Variants in ECT2L observed in about 807,000 individuals in gnomAD.
ECT2L encodes epithelial cell transforming 2 like.
A neutral mutation model predicts 122.8 loss-of-function variants in ECT2L; 126 were observed. That is an observed-to-expected ratio of 1.03 (90% CI 0.89 to 1.19). The LOEUF (loss-of-function observed/expected upper bound fraction) is 1.19. Ranked by LOEUF, ECT2L falls within the 50% of genes most tolerant of loss-of-function variation. ECT2L has a pLI of 0.00. For synonymous variants in ECT2L, 385 were observed against 381.8 expected, an observed-to-expected ratio of 1.01 and a Z score of -0.10; for missense variants, 1,012 against 1,064.1, an observed-to-expected ratio of 0.95 and a Z score of 0.68.
chr6:138,897,638 C>G (rs956597019), intron 20 of ECT2L, among the ~76,000 whole-genome samples: 5 of 152,284 alleles, frequency 3.3e-5, no homozygotes, highest in African/African-American at 1.2e-4. Flanking sequence ...TAGTAAATGG[C>G]TTTTGAAAAG....
intron 3 of ECT2L, among the ~76,000 whole-genome samples, chr6:138,813,683 G>A (rs1226788755): frequency 6.6e-6 from 1 of 152,154 alleles, no homozygotes; most frequent in Admixed American, 6.5e-5. Context: ...GTGTTCCTCT[G>A]TATTTGTAAT....
intron 1 of ECT2L, among the ~76,000 whole-genome samples, chr6:138,806,363 C>G (rs946483549): frequency 2.6e-5 from 4 of 152,080 alleles, no homozygotes; most frequent in Admixed American, 2.0e-4. Flanking sequence ...CCACAAGTCT[C>G]TTTGAGACAG....
At chr6:138,812,041 C>T (rs1342947756) in intron 1 of ECT2L, among the ~76,000 whole-genome samples, 1 of 152,072 alleles carries the variant, frequency 6.6e-6, no homozygotes, top group Non-Finnish European at 1.5e-5. Context: ...AGAAGCAAGA[C>T]ACTGTCTCAA....
intron 4 of ECT2L, among the ~76,000 whole-genome samples, chr6:138,828,402 T>G (rs1776531377): frequency 6.6e-6 from 1 of 152,214 alleles, no homozygotes; most frequent in Admixed American, 6.5e-5. Context: ...AGTCTGCATT[T>G]TGCTGATTGT....
chr6:138,814,507 T>A lies in ECT2L; in HGVS notation c.83T>A (p.Val28Glu). The A allele has an allele frequency of 6.2e-7, 1 of 1,607,602 alleles. No individual in the cohort carries two copies. The highest frequency in any genetic ancestry group is 8.5e-7 in the Non-Finnish European group (1 of 1,175,478). The change falls in exon 4 of 22, where the codon GTG becomes GAG. Residue 28 changes from valine (V) to glutamate (E), a missense_variant. Coordinates refer to ENST00000541398, the MANE Select transcript of ECT2L (RefSeq NM_001077706.3). ...CCCTTATAGCTCTTTCAGGAAAGAG[T>A]GGCTCTTATAAGTCATTGGTTTGAC... ...SLNRQLFQERVALISHWFDLW... is the reference protein window; with the variant it reads ...SLNRQLFQEREALISHWFDLW...
intron 1 of ECT2L, among the ~76,000 whole-genome samples, chr6:138,803,070 C>T (rs1775596876): frequency 2.2e-5 from 2 of 92,490 alleles, no homozygotes; most frequent in Non-Finnish European, 3.7e-5. Flanking sequence ...CAGAGAGAGA[C>T]TGTCTCAAAA....
intron 4 of ECT2L, among the ~76,000 whole-genome samples, chr6:138,817,880 TC>T: frequency 6.6e-6 from 1 of 152,324 alleles, no homozygotes; most frequent in South Asian, 2.1e-4. Context: ...TGGCCCCGTG[TC>T]GTCCACATGA....
chr6:138,818,397 A>T (rs990058144), intron 4 of ECT2L, among the ~76,000 whole-genome samples: 1 of 152,052 alleles, frequency 6.6e-6, no homozygotes, highest in African/African-American at 2.4e-5. Context: ...GGCTCACTTG[A>T]GGACGTCTGT....
At position 138,885,791 on chromosome 6, in the gene ECT2L, A is replaced by C. The variant is rs1464504432; in HGVS notation, c.2220A>C (p.Ala740=). The C allele has an allele frequency of 8.1e-6, 13 of 1,614,210 alleles. No individual in the cohort carries two copies. Among genetic ancestry groups the C allele is most frequent in the African/African-American group, 1.3e-5 (1 of 75,070 alleles). Residue 740 remains alanine (A), a synonymous_variant, in exon 18 of 22, where the codon GCA becomes GCC. Transcript: ENST00000541398. ...TTGACCGTGGGGACTTGACCACTGC[A>C]ATTGACCAAATCAAAAAATATAAAG... ...EHVDRGDLTT[A]IDQIKKYKGY...
intron 4 of ECT2L, among the ~76,000 whole-genome samples, chr6:138,836,624 A>T (rs1388092491): frequency 6.6e-6 from 1 of 151,650 alleles, no homozygotes; most frequent in African/African-American, 2.4e-5. Flanking sequence ...ATGGCCTCCA[A>T]GTGGTGATTT....
chr6:138,843,317 C>T, intron 6 of ECT2L, 86 bp downstream of exon 6: 1 of 1,371,574 alleles, frequency 7.3e-7, no homozygotes, highest in African/African-American at 1.4e-5. Flanking sequence ...GAGGACAGCC[C>T]TGTCTTTCGG....
intron 20 of ECT2L, among the ~76,000 whole-genome samples, chr6:138,897,196 C>T (rs1365238193): frequency 6.6e-6 from 1 of 152,096 alleles, no homozygotes. Flanking sequence ...TGAGTGTGAG[C>T]AGAGGCAGAT....
In ECT2L at chr6:138,885,779, C is replaced by T. The variant is rs766296255; in HGVS notation, c.2208C>T (p.Asp736=). 2.2e-5 allele frequency: 35 copies of T among 1,614,048 alleles called. No homozygotes were observed. Among genetic ancestry groups the T allele is most frequent in the Non-Finnish European group, 2.8e-5 (33 of 1,180,032 alleles). The stretch of plus-strand genomic sequence containing the variant: ...CTGCAGAGCATGTTGACCGTGGGGA[C>T]TTGACCACTGCAATTGACCAAATCA... ...HTPAEHVDRG[D]LTTAIDQIKK... Residue 736 remains aspartate (D), a synonymous_variant, in exon 18 of 22, where the codon GAC becomes GAT. Transcript: ENST00000541398.
At chr6:138,855,456 C>G (rs958168673) in intron 10 of ECT2L, among the ~76,000 whole-genome samples, 1 of 152,108 alleles carries the variant, frequency 6.6e-6, no homozygotes. Flanking sequence ...TTGCAGTGAG[C>G]CAAGATCGCA....
rs1777876574 is a variant in ECT2L at position 138,862,648 on chromosome 6, C to T, written c.1220C>T (p.Ser407Phe). Residue 407 changes from serine to phenylalanine, a missense_variant, in exon 11 of 22, where the codon TCC becomes TTC. Physicochemically the swap from Ser to Phe is radical, Grantham distance 155. Coordinates refer to ENST00000541398, the MANE Select transcript of ECT2L (RefSeq NM_001077706.3). ...GASEAGIEVL[S>F]QLSQLTGTFF... ...GCAGAGGCAGGAATTGAAGTTCTTT[C>T]CCAGCTGTCTCAACTAACTGGCACG... 6.2e-7 allele frequency: 1 copy of T among 1,614,116 alleles called. No individual in the cohort carries two copies.
chr6:138,881,127 C>A lies in ECT2L; in HGVS notation c.1836C>A (p.Ile612=). The A allele has an allele frequency of 6.2e-7, 1 of 1,614,094 alleles. No individual in the cohort carries two copies. The highest frequency in any genetic ancestry group is 8.5e-7 in the Non-Finnish European group (1 of 1,180,000). ...SNRAILSAAN[I]QIIFCDILQI... Reference sequence around the variant, plus strand: ...GAGCGATTCTGAGTGCTGCCAATATCCAGATCATTTTCTGTGACATTCTAC... The same window carrying A: ...GAGCGATTCTGAGTGCTGCCAATATACAGATCATTTTCTGTGACATTCTAC... The change falls in exon 15 of 22, where the codon ATC becomes ATA. Residue 612 remains isoleucine, a synonymous_variant. Transcript: ENST00000541398.
At position 138,900,972 on chromosome 6, in the gene ECT2L, C is replaced by CA. The variant is rs1321050303; in HGVS notation, c.2440dup (p.Ser814LysfsTer7). On this transcript the variant is annotated frameshift_variant, in exon 21 of 22. Coordinates refer to ENST00000541398, the MANE Select transcript of ECT2L (RefSeq NM_001077706.3). LOFTEE classifies it high-confidence loss of function. ...GGCTCTATGAACACATCCATGATCTCAGCCTTTTCCTCTTCAATGATGCCC... is the reference window on the plus strand; with the variant it reads ...GGCTCTATGAACACATCCATGATCTCAAGCCTTTTCCTCTTCAATGATGCCC... 6.2e-7 allele frequency: 1 copy of CA among 1,614,086 alleles called. No individual in the cohort carries two copies. Among genetic ancestry groups the CA allele is most frequent in the South Asian group, 1.1e-5 (1 of 91,052 alleles).
intron 1 of ECT2L, among the ~76,000 whole-genome samples, chr6:138,806,276 G>T (rs1392383339): frequency 6.6e-6 from 1 of 152,144 alleles, no homozygotes; most frequent in Non-Finnish European, 1.5e-5. Context: ...ATGCTTTCAT[G>T]AGAACAAGCC....
chr6:138,824,316 A>AC (rs1003591455), intron 4 of ECT2L, among the ~76,000 whole-genome samples: 1 of 151,798 alleles, frequency 6.6e-6, no homozygotes, highest in African/African-American at 2.4e-5. Flanking sequence ...TTAAAAAAAA[A>AC]CCCACTATGC....
Sources: gnomAD v4.1 joint callset for allele counts (sites outside exome capture counted in the v4.1 genomes callset) on GRCh38, gnomAD v4.1.1 for gene constraint, MANE v1.5 for transcripts, NCBI Gene and HGNC (gene_info 2026-07-23, HGNC 2026-07-21) for gene names.